The following SYNPR variants were observed in gnomAD, a reference collection of about 807,000 sequenced individuals.
SYNPR encodes the protein synaptoporin.
Under a neutral mutation model 32.9 loss-of-function variants are expected in SYNPR, and 23 were observed. The ratio of observed to expected loss-of-function variants is 0.70; its 90% confidence interval spans 0.50 to 0.99. SYNPR has a LOEUF of 0.99. Ranked by LOEUF, SYNPR falls within the 50% of genes least tolerant of loss-of-function variation. SYNPR has a pLI of 0.00. For missense variants in SYNPR, 318 were observed against 349.3 expected (o/e 0.91, Z 0.71); for synonymous variants, 146 against 135.9 (o/e 1.07, Z -0.52).
chr3:63,439,125 C>T (rs1471910905), intron 2 of SYNPR, among the ~76,000 whole-genome samples: 2 of 152,172 alleles, frequency 1.3e-5, no homozygotes, highest in African/African-American at 4.8e-5. Flanking sequence ...AGAAGCTTTT[C>T]CATTCAGAGG....
rs542917403 is a variant in SYNPR, at chr3:63,473,427, C to T, written c.85-7405C>T. ...TGATTGATTGTATTTCTTTTTAGTT[C>T]AACAAGCATTTAGGGAGCACCAACT... On this transcript the variant is annotated intron_variant, in intron 2 of 5. Coordinates refer to ENST00000478300, the MANE Select transcript of SYNPR (RefSeq NM_001130003.2). Among the ~76,000 whole-genome samples, 19 of 152,180 alleles carry T rather than the reference C, an allele frequency of 1.2e-4. No homozygotes were observed. The East Asian group carries it at 2.1e-3, about 17-fold the overall frequency.
intron 2 of SYNPR, among the ~76,000 whole-genome samples, chr3:63,405,270 G>T (rs1280288963): frequency 6.6e-6 from 1 of 152,108 alleles, no homozygotes; most frequent in Non-Finnish European, 1.5e-5. Context: ...TGCAATGAGT[G>T]GTCTAACAGA....
At chr3:63,569,654 C>T (rs1702851573) in intron 4 of SYNPR, among the ~76,000 whole-genome samples, 1 of 152,254 alleles carries the variant, frequency 6.6e-6, no homozygotes, top group Non-Finnish European at 1.5e-5. Flanking sequence ...CATGAATTTG[C>T]ATAGCCACGC....
intron 4 of SYNPR, among the ~76,000 whole-genome samples, chr3:63,564,078 T>C (rs1272354611): frequency 3.3e-5 from 5 of 151,876 alleles, no homozygotes; most frequent in Non-Finnish European, 7.4e-5. Flanking sequence ...GTGTATTTGA[T>C]GATAAACATA....
At chr3:63,582,640 A>G (rs1575722608) in intron 4 of SYNPR, among the ~76,000 whole-genome samples, 1 of 152,142 alleles carries the variant, frequency 6.6e-6, no homozygotes, top group African/African-American at 2.4e-5. Flanking sequence ...GCTTATATTG[A>G]TAAGATATGA....
chr3:63,481,715 C>T (rs1287336161), intron 3 of SYNPR, among the ~76,000 whole-genome samples: 1 of 152,090 alleles, frequency 6.6e-6, no homozygotes, highest in African/African-American at 2.4e-5. Flanking sequence ...CTGTGCTGTG[C>T]TGGTGGAAGT....
chr3:63,312,843 C>T (rs879693222), intron 2 of SYNPR, among the ~76,000 whole-genome samples: 5 of 152,002 alleles, frequency 3.3e-5, no homozygotes, highest in Non-Finnish European at 5.9e-5. Context: ...AGGACTCTTG[C>T]TCTTGTTCTG....
chr3:63,483,058 G>A (rs947654556), intron 3 of SYNPR, among the ~76,000 whole-genome samples: 1 of 152,190 alleles, frequency 6.6e-6, no homozygotes, highest in Non-Finnish European at 1.5e-5. Flanking sequence ...ACAACTGGAA[G>A]TAGGTATCAA....
chr3:63,346,381 AT>A (rs2087437261), intron 2 of SYNPR, among the ~76,000 whole-genome samples: 1 of 152,172 alleles, frequency 6.6e-6, no homozygotes, highest in African/African-American at 2.4e-5. Flanking sequence ...TCTAAAAATA[AT>A]TTTTAAAGAT....
At chr3:63,606,925 A>G (rs541193998) in intron 4 of SYNPR, among the ~76,000 whole-genome samples, 86 of 152,310 alleles carry the variant, frequency 5.6e-4, no homozygotes, top group African/African-American at 2.0e-3. Flanking sequence ...GGATTAAATG[A>G]GTCAAAACAT....
At chr3:63,614,370 G>A (rs1355772899) in intron 5 of SYNPR, among the ~76,000 whole-genome samples, 3 of 152,168 alleles carry the variant, frequency 2.0e-5, no homozygotes, top group Admixed American at 6.5e-5. Flanking sequence ...ATAGCAAACC[G>A]TTCTGCTTCC....
At chr3:63,376,314 C>T (rs2087895115) in intron 2 of SYNPR, among the ~76,000 whole-genome samples, 1 of 151,942 alleles carries the variant, frequency 6.6e-6, no homozygotes, top group Non-Finnish European at 1.5e-5. Context: ...TTAGTTATAA[C>T]TTGCATTAGT....
chr3:63,576,665 C>A (rs6445362), intron 4 of SYNPR, among the ~76,000 whole-genome samples: 1 of 151,546 alleles, frequency 6.6e-6, no homozygotes, highest in African/African-American at 2.4e-5. Flanking sequence ...GTAGCACGTG[C>A]CTGTAGTCCC....
intron 2 of SYNPR, among the ~76,000 whole-genome samples, chr3:63,446,332 G>A (rs1340998374): frequency 2.7e-5 from 4 of 150,896 alleles, no homozygotes; most frequent in African/African-American, 9.7e-5. Flanking sequence ...AAGGGCTGAG[G>A]TAGCACTTCA....
intron 2 of SYNPR, among the ~76,000 whole-genome samples, chr3:63,349,830 C>T (rs558919819): frequency 1.1e-3 from 174 of 152,312 alleles, no homozygotes; most frequent in African/African-American, 3.9e-3. Flanking sequence ...GAGTACCAGA[C>T]TGCCGTTTTG....
At chr3:63,268,053 G>T (rs1324368162) in intron 3 of SYNPR, among the ~76,000 whole-genome samples, 1 of 152,114 alleles carries the variant, frequency 6.6e-6, no homozygotes, top group Non-Finnish European at 1.5e-5. Flanking sequence ...TTCACACTGT[G>T]GAATAATTGC....
chr3:63,204,200 A>T, the SYNPR span, among the ~76,000 whole-genome samples: 2 of 152,118 alleles, frequency 1.3e-5, no homozygotes, highest in Non-Finnish European at 2.9e-5. Context: ...AAAACAACAC[A>T]AATGTATTTC....
chr3:63,309,385 T>C (rs1035673071), intron 2 of SYNPR, among the ~76,000 whole-genome samples: 1 of 152,068 alleles, frequency 6.6e-6, no homozygotes, highest in African/African-American at 2.4e-5. Flanking sequence ...TGTTTGCTCA[T>C]CCTTGATTGG....
intron 2 of SYNPR, among the ~76,000 whole-genome samples, chr3:63,391,754 T>C (rs188059049): frequency 3.3e-5 from 5 of 152,278 alleles, no homozygotes; most frequent in East Asian, 1.9e-4. Context: ...AGGAAGATAG[T>C]GGCAGACTGA....
Sources: gnomAD v4.1 joint callset for allele counts (sites outside exome capture counted in the v4.1 genomes callset) on GRCh38, gnomAD v4.1.1 for gene constraint, MANE v1.5 for transcripts, NCBI Gene and HGNC (gene_info 2026-07-23, HGNC 2026-07-21) for gene names.